Variants in TOX observed in about 807,000 individuals in gnomAD.
TOX encodes the protein thymocyte selection-associated high mobility group box protein TOX.
A neutral mutation model predicts 53.7 loss-of-function variants in TOX; 11 were observed. The ratio of observed to expected loss-of-function variants is 0.20; its 90% CI spans 0.13 to 0.34. TOX has a LOEUF of 0.34. Ranked by LOEUF, TOX falls within the 10% of genes least tolerant of loss-of-function variation. The pLI is 1.00. For missense variants in TOX, 570 were observed against 664.6 expected, an observed-to-expected ratio of 0.86 and a Z score of 1.56; for synonymous variants, 225 against 245.3, an observed-to-expected ratio of 0.92 and a Z score of 0.77.
chr8:58,816,932 A>T (rs1810190008), intron 6 of TOX, among the ~76,000 whole-genome samples: 2 of 152,188 alleles, frequency 1.3e-5, no homozygotes, highest in South Asian at 4.1e-4. Context: ...TTAGCAACAC[A>T]ACTCATTTGT....
chr8:59,084,450 C>T (rs1330770925), intron 1 of TOX, among the ~76,000 whole-genome samples: 1 of 152,112 alleles, frequency 6.6e-6, no homozygotes, highest in Non-Finnish European at 1.5e-5. Context: ...AAAAATACAC[C>T]TATCCATGCA....
At chr8:59,066,538 C>T (rs1804096888) in intron 1 of TOX, among the ~76,000 whole-genome samples, 1 of 152,076 alleles carries the variant, frequency 6.6e-6, no homozygotes, top group African/African-American at 2.4e-5. Flanking sequence ...CCAAAAGAAC[C>T]CTTGTTCTTC....
intron 1 of TOX, among the ~76,000 whole-genome samples, chr8:59,042,142 T>C (rs1019004866): frequency 7.9e-5 from 12 of 152,182 alleles, no homozygotes; most frequent in African/African-American, 2.9e-4. Flanking sequence ...GATCGCTACA[T>C]AGTAAAGGGT....
In TOX at chr8:59,009,098, CCTTT is replaced by C. The variant is rs147465475; in HGVS notation, c.103-49094_103-49091del. Among the ~76,000 whole-genome samples, 883 of 151,756 alleles carry C rather than the reference CCTTT, an allele frequency of 5.8e-3. 4 individuals are homozygous for C. Among genetic ancestry groups the C allele is most frequent in the African/African-American group, 0.02 (845 of 41,362 alleles). On this transcript the variant is annotated intron_variant, in intron 1 of 8. Transcript: ENST00000361421. ...GTTTCCTTCCCTCTCTTCCTCCCTC[CCTTT>C]CTTTCTCCATCCTACTTTCTTCTCT...
chr8:59,041,072 CCGTGTG>C (rs1399162605), intron 1 of TOX, among the ~76,000 whole-genome samples: 1,535 of 68,224 alleles, frequency 0.022, 20 homozygotes, highest in African/African-American at 0.066. Context: ...AAAAGGGACT[CCGTGTG>C]TGTGTGTGTG....
intron 3 of TOX, among the ~76,000 whole-genome samples, chr8:58,937,498 G>C (rs1267857519): frequency 6.6e-6 from 1 of 152,192 alleles, no homozygotes; most frequent in Non-Finnish European, 1.5e-5. Flanking sequence ...GCCATTTGAG[G>C]ATGGCATGAC....
intron 3 of TOX, among the ~76,000 whole-genome samples, chr8:58,867,138 A>G (rs1261608052): frequency 1.3e-5 from 2 of 152,190 alleles, no homozygotes; most frequent in African/African-American, 4.8e-5. Flanking sequence ...TTTTCCAGGA[A>G]CAGTTTATTT....
At chr8:59,002,675 T>C (rs1813715533) in intron 1 of TOX, among the ~76,000 whole-genome samples, 1 of 151,966 alleles carries the variant, frequency 6.6e-6, no homozygotes, top group Non-Finnish European at 1.5e-5. Flanking sequence ...CTTCTAACCA[T>C]TTAGCATGTA....
intron 4 of TOX, among the ~76,000 whole-genome samples, chr8:58,839,348 G>A (rs867948862): frequency 6.6e-6 from 1 of 152,190 alleles, no homozygotes; most frequent in East Asian, 1.9e-4. Flanking sequence ...ATATCGGAGA[G>A]TGCACCTCCA....
chr8:59,042,938 G>C (rs926722285), intron 1 of TOX, among the ~76,000 whole-genome samples: 1 of 129,580 alleles, frequency 7.7e-6, no homozygotes, highest in African/African-American at 2.5e-5. Context: ...AGCATTTTTC[G>C]TGATGAGAAC....
At chr8:59,049,798 GC>G (rs1452621546) in intron 1 of TOX, among the ~76,000 whole-genome samples, 1 of 152,150 alleles carries the variant, frequency 6.6e-6, no homozygotes, top group Non-Finnish European at 1.5e-5. Context: ...ATCACAGAGT[GC>G]TTTATAGTTT....
chr8:58,933,761 CT>C (rs1252459912), intron 3 of TOX, among the ~76,000 whole-genome samples: 2 of 152,118 alleles, frequency 1.3e-5, no homozygotes, highest in Non-Finnish European at 2.9e-5. Context: ...GGCTTTCCAT[CT>C]TCTTGGGGGC....
intron 1 of TOX, among the ~76,000 whole-genome samples, chr8:59,091,324 C>T (rs1452567557): frequency 6.6e-6 from 1 of 152,152 alleles, no homozygotes; most frequent in East Asian, 1.9e-4. Context: ...TGAGATGACA[C>T]TCCCCAGAAC....
At chr8:58,877,403 C>T (rs1489284927) in intron 3 of TOX, among the ~76,000 whole-genome samples, 2 of 152,176 alleles carry the variant, frequency 1.3e-5, no homozygotes. Context: ...GTTATAGTAG[C>T]ACCAGAGGGA....
chr8:59,100,320 A>G (rs945901269), intron 1 of TOX, among the ~76,000 whole-genome samples: 2 of 152,230 alleles, frequency 1.3e-5, no homozygotes, highest in African/African-American at 4.8e-5. Context: ...ATGCTGGAAC[A>G]TTAAAAATTC....
intron 1 of TOX, among the ~76,000 whole-genome samples, chr8:59,074,113 G>A (rs566564822): frequency 8.9e-4 from 136 of 152,162 alleles, no homozygotes; most frequent in Middle Eastern, 3.4e-3. Context: ...TAACTTCTCC[G>A]ACAATAAATC....
chr8:58,848,980 C>T (rs1470493649), intron 4 of TOX, among the ~76,000 whole-genome samples: 2 of 152,056 alleles, frequency 1.3e-5, no homozygotes, highest in Non-Finnish European at 2.9e-5. Context: ...ATCTTTTTGA[C>T]TTAATGCTAT....
intron 1 of TOX, among the ~76,000 whole-genome samples, chr8:59,035,725 C>T (rs532728614): frequency 2.7e-4 from 41 of 152,088 alleles, no homozygotes; most frequent in Non-Finnish European, 4.1e-4. Context: ...CCAAAAATGT[C>T]CTGAAAATAA....
intron 1 of TOX, among the ~76,000 whole-genome samples, chr8:58,961,903 G>T (rs140409760): frequency 3.9e-5 from 6 of 152,290 alleles, no homozygotes; most frequent in Non-Finnish European, 8.8e-5. Context: ...GCCTCACTGT[G>T]CATTTCTTCA....
Sources: allele counts gnomAD v4.1 joint callset (sites outside exome capture counted in the v4.1 genomes callset), GRCh38; gene constraint gnomAD v4.1.1; transcripts MANE v1.5; gene names NCBI Gene and HGNC (gene_info 2026-07-23, HGNC 2026-07-21).